TMPRSS12: variants seen among roughly 807,000 people sequenced by gnomAD.
TMPRSS12 encodes transmembrane protease serine 12.
In TMPRSS12, 25 loss-of-function variants were observed where a neutral mutation model predicts 26.0. The ratio of observed to expected loss-of-function variants is 0.96; its 90% CI spans 0.70 to 1.34. TMPRSS12 has a LOEUF of 1.34. Ranked by LOEUF, TMPRSS12 falls within the 40% of genes most tolerant of loss-of-function variation. The pLI, the probability that TMPRSS12 is intolerant of heterozygous loss-of-function variation, is 0.00. For missense variants in TMPRSS12, 441 were observed against 440.1 expected, an observed-to-expected ratio of 1.00 and a Z score of -0.02; for synonymous variants, 150 against 161.7, an observed-to-expected ratio of 0.93 and a Z score of 0.55.
chr12:50,878,691 C>T (rs1335242931), intron 3 of TMPRSS12, among the ~76,000 whole-genome samples: 3 of 152,092 alleles, frequency 2.0e-5, no homozygotes, highest in Non-Finnish European at 4.4e-5. Context: ...AGTGCCAAGG[C>T]AATATAATGG....
intron 2 of TMPRSS12, among the ~76,000 whole-genome samples, chr12:50,852,405 A>G (rs1375521669): frequency 6.6e-6 from 1 of 152,216 alleles, no homozygotes; most frequent in Non-Finnish European, 1.5e-5. Flanking sequence ...TATTTTAGAC[A>G]AAATAGACTT....
At chr12:50,847,531 T>C (rs1378220926) in intron 2 of TMPRSS12, among the ~76,000 whole-genome samples, 3 of 151,982 alleles carry the variant, frequency 2.0e-5, no homozygotes, top group Non-Finnish European at 2.9e-5. Flanking sequence ...TAGGCTGGAG[T>C]GCTACAAGAA....
At chr12:50,884,343 T>G (rs2139739576) in intron 3 of TMPRSS12, among the ~76,000 whole-genome samples, 1 of 152,340 alleles carries the variant, frequency 6.6e-6, no homozygotes, top group African/African-American at 2.4e-5. Context: ...ACAGATGATG[T>G]AACTAAAATA....
intron 3 of TMPRSS12, among the ~76,000 whole-genome samples, chr12:50,865,446 G>T (rs777570038): frequency 7.2e-5 from 11 of 152,016 alleles, no homozygotes; most frequent in Admixed American, 3.3e-4. Context: ...CTGTAGCACC[G>T]AAGGGAAAAA....
chr12:50,881,511 A>G (rs1938163357), intron 3 of TMPRSS12, among the ~76,000 whole-genome samples: 1 of 152,168 alleles, frequency 6.6e-6, no homozygotes. Context: ...TTAACATCAC[A>G]CATTTGGAGA....
intron 2 of TMPRSS12, among the ~76,000 whole-genome samples, chr12:50,844,529 A>C (rs1361229779): frequency 6.6e-6 from 1 of 152,048 alleles, no homozygotes; most frequent in African/African-American, 2.4e-5. Flanking sequence ...GCCTGCCATC[A>C]TGTCCAGCTA....
At chr12:50,872,242 G>A (rs565766705) in intron 3 of TMPRSS12, among the ~76,000 whole-genome samples, 24 of 152,174 alleles carry the variant, frequency 1.6e-4, no homozygotes, top group Non-Finnish European at 2.9e-4. Flanking sequence ...GGCCGGGCGC[G>A]GTGGCTCACG....
At chr12:50,883,574 C>A (rs1021763945) in intron 3 of TMPRSS12, among the ~76,000 whole-genome samples, 1 of 152,068 alleles carries the variant, frequency 6.6e-6, no homozygotes, top group Admixed American at 6.6e-5. Context: ...ATCCCAGCTA[C>A]TTGGAAACTA....
chr12:50,876,395 G>A (rs1938112732), intron 3 of TMPRSS12, among the ~76,000 whole-genome samples: 1 of 152,186 alleles, frequency 6.6e-6, no homozygotes, highest in Non-Finnish European at 1.5e-5. Context: ...CTATTACTCT[G>A]TATCTATCCA....
At chr12:50,855,307 T>C (rs1322371001) in intron 2 of TMPRSS12, among the ~76,000 whole-genome samples, 1 of 152,184 alleles carries the variant, frequency 6.6e-6, no homozygotes, top group Non-Finnish European at 1.5e-5. Context: ...ATTTATGAAC[T>C]ATGCATTCAG....
chr12:50,884,235 A>G (rs914892554), intron 3 of TMPRSS12, among the ~76,000 whole-genome samples: 5 of 152,214 alleles, frequency 3.3e-5, no homozygotes, highest in African/African-American at 1.2e-4. Context: ...CAACTTCTCC[A>G]CTTGTATTCA....
At chr12:50,861,765 GT>G (rs1232123910) in intron 3 of TMPRSS12, among the ~76,000 whole-genome samples, 1 of 151,772 alleles carries the variant, frequency 6.6e-6, no homozygotes, top group Non-Finnish European at 1.5e-5. Flanking sequence ...TTCAAGCCCA[GT>G]TCTGCCTGTT....
chr12:50,846,482 T>G (rs11169590), intron 2 of TMPRSS12, among the ~76,000 whole-genome samples: 22,526 of 152,148 alleles, frequency 0.15, 2,878 homozygotes, highest in African/African-American at 0.35. Flanking sequence ...CTCTCAATTC[T>G]TCTCCACTGA....
At chr12:50,877,595 C>T (rs897335623) in intron 3 of TMPRSS12, among the ~76,000 whole-genome samples, 11 of 152,044 alleles carry the variant, frequency 7.2e-5, no homozygotes, top group African/African-American at 1.9e-4. Context: ...TTCATAATAG[C>T]GTTTATTTAT....
intron 3 of TMPRSS12, among the ~76,000 whole-genome samples, chr12:50,881,971 AAAAAAAAAAAAAAAAAAAAAAAAAAAAAT>A (rs1938168585): frequency 3.3e-5 from 2 of 60,444 alleles, no homozygotes; most frequent in East Asian, 9.1e-4. Flanking sequence ...CAAAAAAAAA[AAAAAAAAAAAAAAAAAAAAAAAAAAAAAT>A]ATATATATAT....
rs546035824 is a variant in TMPRSS12 at position 50,860,424 on chromosome 12, T to C, written c.652+1371T>C. 1.1e-4 allele frequency among the ~76,000 whole-genome samples: 17 copies of C among 151,784 alleles called. No individual in the cohort carries two copies. The East Asian group carries it at 3.1e-3, about 28-fold the overall frequency. On this transcript the variant is annotated intron_variant, in intron 3 of 4. Transcript: ENST00000398458. ...TGTTCTTGTTGTTATTTAAAACACT[T>C]TTTTTTTAGAGATGGGGGTCTCACT...
intron 3 of TMPRSS12, among the ~76,000 whole-genome samples, chr12:50,872,842 C>CATATATATGACG (rs1565936043): frequency 1.5e-4 from 2 of 13,162 alleles, no homozygotes; most frequent in Admixed American, 1.6e-3. Context: ...TATATGACGT[C>CATATATATGACG]TATATATGTA....
intron 3 of TMPRSS12, among the ~76,000 whole-genome samples, chr12:50,873,564 CA>C (rs1938086912): frequency 6.6e-6 from 1 of 151,878 alleles, no homozygotes; most frequent in African/African-American, 2.4e-5. Flanking sequence ...TAAGAAGGAA[CA>C]AAAAAAGACA....
In TMPRSS12 at chr12:50,874,915, A is replaced by C. The variant is rs139391116; in HGVS notation, c.653-10331A>C. Among the ~76,000 whole-genome samples the C allele has an allele frequency of 1.3e-3, 197 of 152,318 alleles. 1 individual carries two copies. The highest frequency in any genetic ancestry group is 4.5e-3 in the African/African-American group (189 of 41,574). The stretch of plus-strand genomic sequence containing the variant: ...AGATCTCTACAAGGAGAACTACAAA[A>C]TGCTGCTGAAAGAAATCATAGATGA... On this transcript the variant is annotated intron_variant, in intron 3 of 4. Coordinates refer to ENST00000398458, the MANE Select transcript of TMPRSS12 (RefSeq NM_182559.3).
Sources: gnomAD v4.1 joint callset for allele counts (sites outside exome capture counted in the v4.1 genomes callset) on GRCh38, gnomAD v4.1.1 for gene constraint, MANE v1.5 for transcripts, NCBI Gene and HGNC (gene_info 2026-07-23, HGNC 2026-07-21) for gene names.